DGKI: variants seen among roughly 807,000 people sequenced by gnomAD.
DGKI encodes DAG kinase iota.
Under a neutral mutation model 147.5 loss-of-function variants are expected in DGKI, and 55 were observed. The ratio of observed to expected loss-of-function variants is 0.37; its 90% CI spans 0.30 to 0.47. DGKI has a LOEUF of 0.47. Ranked by LOEUF, DGKI falls within the 20% of genes least tolerant of loss-of-function variation. The pLI, the probability that DGKI is intolerant of heterozygous loss-of-function variation, is 1.00. For missense variants in DGKI, 1,007 were observed against 1,323.8 expected (o/e 0.76, Z 3.71); for synonymous variants, 469 against 477.1 (o/e 0.98, Z 0.22).
intron 28 of DGKI, among the ~76,000 whole-genome samples, chr7:137,440,064 A>C (rs538202453): frequency 6.6e-6 from 1 of 152,330 alleles, no homozygotes; most frequent in African/African-American, 2.4e-5. Context: ...CTAAGGTGAC[A>C]GAAAGGAAGA....
chr7:137,403,552 A>T (rs1005906937), intron 30 of DGKI, among the ~76,000 whole-genome samples: 4 of 152,300 alleles, frequency 2.6e-5, no homozygotes, highest in Non-Finnish European at 5.9e-5. Flanking sequence ...AGAGGGGCTC[A>T]GGAGTAAGGC....
At chr7:137,730,592 G>C (rs7803176) in intron 1 of DGKI, among the ~76,000 whole-genome samples, 8 of 151,918 alleles carry the variant, frequency 5.3e-5, no homozygotes, top group Non-Finnish European at 1.0e-4. Context: ...TTTTTGAAAC[G>C]TATTTTATGA....
intron 3 of DGKI, among the ~76,000 whole-genome samples, chr7:137,659,081 A>G (rs1336090890): frequency 1.3e-5 from 2 of 152,192 alleles, no homozygotes; most frequent in Non-Finnish European, 2.9e-5. Context: ...TGCACTGTAC[A>G]AAGAACAGTC....
intron 21 of DGKI, among the ~76,000 whole-genome samples, chr7:137,490,279 T>C (rs1167886351): frequency 6.6e-6 from 1 of 152,250 alleles, no homozygotes; most frequent in Non-Finnish European, 1.5e-5. Context: ...ACTTAGCTAC[T>C]TAGTCAATTC....
At chr7:137,750,856 C>T (rs1394231708) in intron 1 of DGKI, among the ~76,000 whole-genome samples, 1 of 152,164 alleles carries the variant, frequency 6.6e-6, no homozygotes, top group African/African-American at 2.4e-5. Flanking sequence ...TTCTCCACAT[C>T]CACAGAGAAT....
At chr7:137,492,461 T>C (rs558430889) in intron 21 of DGKI, among the ~76,000 whole-genome samples, 4 of 152,298 alleles carry the variant, frequency 2.6e-5, no homozygotes, top group Non-Finnish European at 4.4e-5. Flanking sequence ...CTGCAGGGGC[T>C]ACCATTCATC....
chr7:137,564,925 G>A (rs1283180208), intron 19 of DGKI, among the ~76,000 whole-genome samples: 2 of 152,188 alleles, frequency 1.3e-5, no homozygotes, highest in East Asian at 1.9e-4. Flanking sequence ...AGTCGCGGCC[G>A]GCCCCAGGAA....
chr7:137,844,899 C>G (rs1011280312), intron 1 of DGKI, among the ~76,000 whole-genome samples: 4 of 152,274 alleles, frequency 2.6e-5, no homozygotes, highest in Admixed American at 2.6e-4. Flanking sequence ...ATCACCACCC[C>G]CTTCCAACTC....
chr7:137,413,129 A>G (rs1412595777), intron 28 of DGKI, among the ~76,000 whole-genome samples: 1 of 151,960 alleles, frequency 6.6e-6, no homozygotes, highest in Non-Finnish European at 1.5e-5. Flanking sequence ...AATTAGCCAG[A>G]GTGGTGGCAC....
chr7:137,385,838 C>T lies in DGKI; in HGVS notation c.*5382G>A, dbSNP rs1389933508. On this transcript the variant is annotated 3_prime_UTR_variant, in exon 33 of 33. Transcript: ENST00000614521. ...TAAAGCCTTGGTTGAATTTCCAGCC[C>T]ATGCTGGACACCCTGGGGTTCTCCT... 1.3e-5 allele frequency: 2 copies of T among 152,096 alleles called. No individual in the cohort carries two copies. The highest frequency in any genetic ancestry group is 1.5e-5 in the Non-Finnish European group (1 of 68,006). The allele number at this position is 152,096 out of a possible 1,614,324, so 9.4% of individuals were successfully genotyped here.
At chr7:137,559,362 C>T (rs1287387388) in intron 19 of DGKI, among the ~76,000 whole-genome samples, 3 of 152,014 alleles carry the variant, frequency 2.0e-5, no homozygotes, top group Non-Finnish European at 4.4e-5. Flanking sequence ...TGAGCCACCG[C>T]GCCTGGCCTT....
At chr7:137,572,723 G>C (rs1156692034) in intron 18 of DGKI, 42 bp downstream of exon 18, 4 of 1,361,508 alleles carry the variant, frequency 2.9e-6, no homozygotes, top group Admixed American at 2.1e-5. Context: ...CCTCAAGTCA[G>C]AGTTCACGTC....
Position 137,482,565 on chromosome 7 carries a change from A to G in DGKI, c.2373+2809T>C, listed in dbSNP as rs1309439481. 2.0e-5 allele frequency among the ~76,000 whole-genome samples: 3 copies of G among 152,074 alleles called. No homozygotes were observed. In the East Asian group the frequency reaches 5.8e-4, roughly 29 times the overall value. On this transcript the variant is annotated intron_variant, in intron 23 of 32. Coordinates refer to ENST00000614521, the MANE Select transcript of DGKI (RefSeq NM_001321708.2). The stretch of plus-strand genomic sequence containing the variant: ...ACTCACCAACCCCCTTGGATCTAAC[A>G]GGCATATCAAAACTAATACGGCTAA...
At chr7:137,392,290 A>G (rs960299795) in intron 32 of DGKI, among the ~76,000 whole-genome samples, 6 of 152,206 alleles carry the variant, frequency 3.9e-5, no homozygotes, top group African/African-American at 1.2e-4. Flanking sequence ...AGTCAGCAGT[A>G]AAGGGAGAAA....
chr7:137,462,456 C>A (rs1371940943), intron 27 of DGKI, among the ~76,000 whole-genome samples: 3 of 152,176 alleles, frequency 2.0e-5, no homozygotes, highest in African/African-American at 7.2e-5. Context: ...TACAGAGAAG[C>A]AATTAAAATG....
chr7:137,802,282 C>T (rs1797237380), intron 1 of DGKI, among the ~76,000 whole-genome samples: 1 of 152,146 alleles, frequency 6.6e-6, no homozygotes, highest in South Asian at 2.1e-4. Flanking sequence ...ACATTGTGTA[C>T]AGTGTACACT....
At chr7:137,706,504 T>TATTTC (rs1408396494) in intron 1 of DGKI, among the ~76,000 whole-genome samples, 5 of 149,698 alleles carry the variant, frequency 3.3e-5, no homozygotes, top group African/African-American at 9.7e-5. Flanking sequence ...TATTTTATTT[T>TATTTC]ATTTTATTTC....
At chr7:137,799,666 T>C (rs1407692395) in intron 1 of DGKI, among the ~76,000 whole-genome samples, 2 of 152,318 alleles carry the variant, frequency 1.3e-5, no homozygotes, top group East Asian at 3.9e-4. Context: ...ATCACATGCT[T>C]TCCTAAGGAA....
intron 1 of DGKI, among the ~76,000 whole-genome samples, chr7:137,724,212 G>A (rs770204330): frequency 6.6e-6 from 1 of 152,186 alleles, no homozygotes; most frequent in Non-Finnish European, 1.5e-5. Context: ...CAGCAAGCGA[G>A]GGAGGAGGTG....
Sources: allele counts gnomAD v4.1 joint callset (sites outside exome capture counted in the v4.1 genomes callset), GRCh38; gene constraint gnomAD v4.1.1; transcripts MANE v1.5; gene names NCBI Gene and HGNC (gene_info 2026-07-23, HGNC 2026-07-21).